The following PRKCA variants were observed in gnomAD, a reference collection of about 807,000 sequenced individuals.
The protein encoded by PRKCA is protein kinase C alpha type.
A neutral mutation model predicts 87.0 loss-of-function variants in PRKCA; 27 were observed. That is an observed-to-expected ratio of 0.31 (90% CI 0.23 to 0.43). The LOEUF (loss-of-function observed/expected upper bound fraction) is 0.43. PRKCA is among the 20% of genes least tolerant of loss of function. The pLI is 1.00. For synonymous variants in PRKCA, 329 were observed against 311.1 expected (o/e 1.06, Z -0.61); for missense variants, 518 against 852.3 (o/e 0.61, Z 4.88).
intron 13 of PRKCA, among the ~76,000 whole-genome samples, chr17:66,746,689 A>G (rs147706682): frequency 2.6e-5 from 4 of 152,174 alleles, no homozygotes; most frequent in Non-Finnish European, 5.9e-5. Context: ...TCACTAACAG[A>G]TGAGAGTTTG....
chr17:66,617,809 G>T (rs898209190), intron 3 of PRKCA, among the ~76,000 whole-genome samples: 2 of 152,104 alleles, frequency 1.3e-5, no homozygotes, highest in Non-Finnish European at 2.9e-5. Flanking sequence ...AGTAGAGTAG[G>T]AACTACGAAC....
chr17:66,565,105 C>T (rs748026455), intron 3 of PRKCA, among the ~76,000 whole-genome samples: 1 of 152,152 alleles, frequency 6.6e-6, no homozygotes, highest in African/African-American at 2.4e-5. Context: ...ATGGATGTAA[C>T]TTTTGGCAGT....
At chr17:66,329,274 G>GC (rs1312452720) in intron 2 of PRKCA, among the ~76,000 whole-genome samples, 4 of 152,198 alleles carry the variant, frequency 2.6e-5, no homozygotes, top group African/African-American at 9.7e-5. Context: ...TACGTAGCAT[G>GC]CTAGAGGAAG....
At chr17:66,661,040 G>A (rs750550420) in intron 5 of PRKCA, among the ~76,000 whole-genome samples, 20 of 152,196 alleles carry the variant, frequency 1.3e-4, no homozygotes, top group Non-Finnish European at 2.2e-4. Flanking sequence ...TAAGAATACT[G>A]AGAACCCAAG....
intron 3 of PRKCA, among the ~76,000 whole-genome samples, chr17:66,593,807 G>A (rs926939173): frequency 6.6e-6 from 1 of 152,154 alleles, no homozygotes; most frequent in African/African-American, 2.4e-5. Flanking sequence ...TATCTGGCTG[G>A]GTGTGGGGGC....
At chr17:66,366,200 T>C (rs1908709843) in intron 2 of PRKCA, among the ~76,000 whole-genome samples, 1 of 152,136 alleles carries the variant, frequency 6.6e-6, no homozygotes, top group South Asian at 2.1e-4. Context: ...ACACAGGCGA[T>C]CTTTTTATGT....
intron 2 of PRKCA, among the ~76,000 whole-genome samples, chr17:66,324,480 G>A (rs527434453): frequency 3.2e-4 from 48 of 151,638 alleles, no homozygotes; most frequent in Admixed American, 1.3e-3. Context: ...GGGCATGGTG[G>A]TGTGTGCCTG....
At chr17:66,751,837 C>T (rs1408083433) in intron 13 of PRKCA, among the ~76,000 whole-genome samples, 3 of 152,158 alleles carry the variant, frequency 2.0e-5, no homozygotes, top group Non-Finnish European at 4.4e-5. Context: ...GAAGGGGAAG[C>T]AGGCACATCT....
At chr17:66,783,002 C>T (rs1975278273) in intron 14 of PRKCA, among the ~76,000 whole-genome samples, 1 of 152,232 alleles carries the variant, frequency 6.6e-6, no homozygotes, top group African/African-American at 2.4e-5. Context: ...ACTTTCGCTG[C>T]TCCTACCCTC....
chr17:66,608,337 A>G (rs1970267670), intron 3 of PRKCA, among the ~76,000 whole-genome samples: 1 of 152,196 alleles, frequency 6.6e-6, no homozygotes, highest in African/African-American at 2.4e-5. Context: ...TGCAGTTCTA[A>G]AATCAGGAAA....
In PRKCA at chr17:66,804,867, C is replaced by A; in HGVS notation, c.*830C>A. On this transcript the variant is annotated 3_prime_UTR_variant, in exon 17 of 17. Coordinates refer to ENST00000413366, the MANE Select transcript of PRKCA (RefSeq NM_002737.3). ...GAGATTATTTTTCCATCCAGGGTGC[C>A]ATCAGTAATCATGCCACTACTCACC... 1 of 310,862 alleles carries A rather than the reference C, an allele frequency of 3.2e-6. No individual in the cohort carries two copies. 19.3% of individuals were successfully genotyped at this position (310,862 alleles called of 1,614,324 possible). A position where few individuals can be genotyped will look rare whatever the true frequency, so the allele number is the denominator to read the frequency against.
chr17:66,793,019 T>A (rs2144397977), intron 16 of PRKCA, among the ~76,000 whole-genome samples: 2 of 152,270 alleles, frequency 1.3e-5, no homozygotes, highest in South Asian at 4.1e-4. Flanking sequence ...TTCTCAGGGA[T>A]CATTTTGTAA....
chr17:66,413,981 C>A (rs888452060), intron 2 of PRKCA, among the ~76,000 whole-genome samples: 2 of 148,576 alleles, frequency 1.3e-5, no homozygotes, highest in African/African-American at 2.5e-5. Flanking sequence ...CCACTGCTCT[C>A]CAGTCTGGGT....
intron 3 of PRKCA, among the ~76,000 whole-genome samples, chr17:66,580,792 G>T (rs1157431395): frequency 6.6e-6 from 1 of 152,104 alleles, no homozygotes; most frequent in Non-Finnish European, 1.5e-5. Context: ...CTTCCCTTCT[G>T]TTTACTGCAC....
chr17:66,732,840 G>A lies in PRKCA; in HGVS notation c.1056+15G>A, dbSNP rs759257213. On this transcript the variant is annotated intron_variant, in intron 9 of 16. Transcript: ENST00000413366. The stretch of plus-strand genomic sequence containing the variant: ...GTTTTGGAAAGGTAAGAGGACAGTC[G>A]TCTGCAAATTGCAGGGGCTTCTGCA... 40 of 1,607,832 alleles carry A rather than the reference G, an allele frequency of 2.5e-5. No individual in the cohort carries two copies. The highest frequency in any genetic ancestry group is 1.9e-4 in the South Asian group (17 of 90,446).
chr17:66,357,777 TTTAAG>T (rs1410248120), intron 2 of PRKCA, among the ~76,000 whole-genome samples: 1 of 152,200 alleles, frequency 6.6e-6, no homozygotes, highest in Non-Finnish European at 1.5e-5. Context: ...AGTAATGTGA[TTTAAG>T]TTATGTTATT....
intron 2 of PRKCA, among the ~76,000 whole-genome samples, chr17:66,482,106 A>C (rs1381961230): frequency 6.6e-6 from 1 of 150,986 alleles, no homozygotes; most frequent in Middle Eastern, 3.2e-3. Context: ...CTCAAAAAAA[A>C]AAAAAAAAAA....
At chr17:66,321,458 C>T (rs557641961) in intron 2 of PRKCA, among the ~76,000 whole-genome samples, 5 of 152,282 alleles carry the variant, frequency 3.3e-5, no homozygotes, top group African/African-American at 7.2e-5. Context: ...GTTTCCATGT[C>T]GCCTTCTTTA....
chr17:66,434,601 G>A lies in PRKCA; in HGVS notation c.206-61600G>A, dbSNP rs116801868. 8.3e-3 allele frequency among the ~76,000 whole-genome samples: 1,266 copies of A among 152,178 alleles called. 16 individuals are homozygous for A. The highest frequency in any genetic ancestry group is 0.029 in the African/African-American group (1,219 of 41,522). ...TGACGATTTCCCCCTTTGCTATGGT[G>A]ATCTGGAAGCACAGAGCCAGATGTG... On this transcript the variant is annotated intron_variant, in intron 2 of 16. Coordinates refer to ENST00000413366, the MANE Select transcript of PRKCA (RefSeq NM_002737.3).
Sources: gnomAD v4.1 joint callset for allele counts (sites outside exome capture counted in the v4.1 genomes callset) on GRCh38, gnomAD v4.1.1 for gene constraint, MANE v1.5 for transcripts, NCBI Gene and HGNC (gene_info 2026-07-23, HGNC 2026-07-21) for gene names.